MALAT1: variants seen among roughly 807,000 people sequenced by gnomAD.
MALAT1 encodes hepcarcin.
rs199928855 is a variant in MALAT1 at position 65,501,940 on chromosome 11, A to T, written n.3203A>T. On this transcript the variant is annotated non_coding_transcript_exon_variant, in exon 3 of 4. Coordinates refer to ENST00000619449, the Ensembl canonical transcript of MALAT1. Reference sequence around the variant, plus strand: ...TTGTTTAGTTTATGATTGCAGATAAACTCATGCCAGAGAACTTAAAGTCTT... The same window carrying T: ...TTGTTTAGTTTATGATTGCAGATAATCTCATGCCAGAGAACTTAAAGTCTT... The T allele has an allele frequency of 5.8e-6, 3 of 517,838 alleles. No individual in the cohort carries two copies. The East Asian group carries it at 1.6e-4, about 28-fold the overall frequency. 32.1% of individuals were successfully genotyped at this position (517,838 alleles called of 1,614,324 possible). A position where few individuals can be genotyped will look rare whatever the true frequency, so the allele number is the denominator to read the frequency against.
exon 3 of MALAT1, chr11:65,501,494 C>T (rs746801872): frequency 3.9e-6 from 2 of 517,504 alleles, no homozygotes; most frequent in Non-Finnish European, 7.7e-6. Context: ...TGCTTAACCC[C>T]TTAAACTTGT....
At position 65,499,734 on chromosome 11, in the gene MALAT1, A is replaced by G. The variant is rs1158768752; in HGVS notation, n.997A>G. Reference sequence around the variant, plus strand: ...GATAGGGAAATTAGAAGATAAAAACATACTTTTAGAAGAAAAAAGATAAAT... The same window carrying G: ...GATAGGGAAATTAGAAGATAAAAACGTACTTTTAGAAGAAAAAAGATAAAT... On this transcript the variant is annotated non_coding_transcript_exon_variant, in exon 3 of 4. Transcript: ENST00000619449. 6.9e-6 allele frequency: 3 copies of G among 434,122 alleles called. No individual in the cohort carries two copies. The Admixed American group carries it at 8.3e-5, about 12-fold the overall frequency. 26.9% of individuals were successfully genotyped at this position (434,122 alleles called of 1,614,324 possible). A position where few individuals can be genotyped will look rare whatever the true frequency, so the allele number is the denominator to read the frequency against.
At chr11:65,498,297 A>T in intron 1 of MALAT1, 1 of 518,506 alleles carries the variant, frequency 1.9e-6, no homozygotes, top group Non-Finnish European at 3.9e-6. Context: ...AGAGCCTGGA[A>T]GCTGAAAAAC....
chr11:65,501,866 G>A (rs535803907), exon 3 of MALAT1: 1 of 517,548 alleles, frequency 1.9e-6, no homozygotes, highest in African/African-American at 1.9e-5. Flanking sequence ...TTGGCAATTA[G>A]TTGGCAGTGG....
chr11:65,506,286 G>C (rs1039180381), exon 4 of MALAT1: 1 of 458,150 alleles, frequency 2.2e-6, no homozygotes, highest in Non-Finnish European at 4.2e-6. Flanking sequence ...CAATATCTTT[G>C]AACTATATAC....
In MALAT1 at chr11:65,499,239, A is replaced by C. The variant is rs753059796; in HGVS notation, n.502A>C. 2.4e-5 allele frequency: 12 copies of C among 504,416 alleles called. 1 individual carries two copies. The Middle Eastern group carries it at 1.3e-3, about 54-fold the overall frequency. 31.2% of individuals were successfully genotyped at this position (504,416 alleles called of 1,614,324 possible). ...TTTAATAGCTTAAGATTTTAAGAGA[A>C]AATATGAAGACTTAGAAGAGTAGCA... On this transcript the variant is annotated non_coding_transcript_exon_variant, in exon 3 of 4. Coordinates refer to ENST00000619449, the Ensembl canonical transcript of MALAT1.
At chr11:65,498,135 C>T (rs1172127993) in intron 1 of MALAT1, 4 of 518,888 alleles carry the variant, frequency 7.7e-6, no homozygotes, top group South Asian at 1.4e-5. Context: ...AAAAGCAGAC[C>T]CAGAGCAGTG....
intron 3 of MALAT1, chr11:65,504,548 G>A (rs1433374602): frequency 1.9e-6 from 1 of 518,974 alleles, no homozygotes; most frequent in East Asian, 5.4e-5. Context: ...GTTTTAAGCA[G>A]TCGTATTTGT....
intron 3 of MALAT1, chr11:65,505,821 G>A (rs557506401): frequency 1.0e-5 from 5 of 499,114 alleles, no homozygotes; most frequent in African/African-American, 1.9e-5. Context: ...AGTAAGTGGA[G>A]AAATAACATG....
exon 3 of MALAT1, chr11:65,499,316 A>G (rs770909618): frequency 1.6e-5 from 8 of 508,776 alleles, no homozygotes; most frequent in Non-Finnish European, 2.7e-5. Context: ...GTTGAGATGA[A>G]GCTTCTTCAT....
At chr11:65,498,694 A>AC (rs1187295142) in exon 2 of MALAT1, 1 of 518,418 alleles carries the variant, frequency 1.9e-6, no homozygotes, top group African/African-American at 1.9e-5. Context: ...GGTAAACTAT[A>AC]CCTACTGTCC....
intron 3 of MALAT1, chr11:65,506,097 TAAAAAA>T: frequency 2.8e-6 from 1 of 353,564 alleles, no homozygotes; most frequent in Admixed American, 3.8e-5. Context: ...TTTTCTAGCT[TAAAAAA>T]AAAAAAAGCA....
intron 3 of MALAT1, chr11:65,504,111 T>A (rs1358934722): frequency 1.9e-6 from 1 of 516,688 alleles, no homozygotes. Context: ...CCTGTGGGGT[T>A]TTAAAGAATT....
intron 3 of MALAT1, chr11:65,505,126 T>A (rs1166392755): frequency 3.9e-6 from 2 of 518,716 alleles, no homozygotes; most frequent in Admixed American, 1.9e-5. Flanking sequence ...GTGAGCAAAC[T>A]GTGTTGGCGT....
exon 3 of MALAT1, chr11:65,500,438 G>A (rs373955909): frequency 3.9e-6 from 2 of 518,882 alleles, no homozygotes; most frequent in Non-Finnish European, 7.7e-6. Flanking sequence ...TAGGAAGACA[G>A]CAGCAGACAG....
rs763211099 is a variant in MALAT1, at chr11:65,500,705, G to T, written n.1968G>T. The T allele has an allele frequency of 5.6e-5, 29 of 518,890 alleles. No individual in the cohort carries two copies. The East Asian group carries it at 6.0e-4, about 11-fold the overall frequency. 32.1% of individuals were successfully genotyped at this position (518,890 alleles called of 1,614,324 possible). On this transcript the variant is annotated non_coding_transcript_exon_variant, in exon 3 of 4. Coordinates refer to ENST00000619449, the Ensembl canonical transcript of MALAT1. ...CGGAGGAGGCGAGCAGGCGTTGTGC[G>T]TAGAGGATCCTAGACCAGCATGCCA...
chr11:65,504,402 C>T (rs774179861), intron 3 of MALAT1: 14 of 518,422 alleles, frequency 2.7e-5, no homozygotes, highest in Non-Finnish European at 5.0e-5. Flanking sequence ...CTGTTCTGAT[C>T]CCGCTGCTAT....
exon 3 of MALAT1, chr11:65,501,182 TAG>T (rs747301624): frequency 2.0e-6 from 1 of 512,096 alleles, no homozygotes; most frequent in East Asian, 5.6e-5. Flanking sequence ...TTTGTAAATG[TAG>T]AGTTTGGATG....
At chr11:65,504,893 TTAAA>T (rs1350369274) in intron 3 of MALAT1, 8 of 518,766 alleles carry the variant, frequency 1.5e-5, no homozygotes, top group Non-Finnish European at 2.7e-5. Context: ...CCTATTTACT[TTAAA>T]TAAACCAAAC....
Sources: gnomAD v4.1 joint callset for allele counts on GRCh38, gnomAD v4.1.1 for gene constraint, MANE v1.5 for transcripts, NCBI Gene and HGNC (gene_info 2026-07-23, HGNC 2026-07-21) for gene names.